DCDC1: variants seen among roughly 807,000 people sequenced by gnomAD.
DCDC1 encodes the protein doublecortin domain containing 1.
In DCDC1, 200 loss-of-function variants were observed where a neutral mutation model predicts 178.3. That is an observed-to-expected ratio of 1.12 (90% confidence interval 1.00 to 1.26). The LOEUF (loss-of-function observed/expected upper bound fraction) is 1.26. Among genes scored for constraint, DCDC1 ranks in the 50% most tolerant of loss-of-function variants. The pLI is 0.00. For missense variants in DCDC1, 1,983 were observed against 1,749.2 expected, an observed-to-expected ratio of 1.13 and a Z score of -2.38; for synonymous variants, 690 against 604.8, an observed-to-expected ratio of 1.14 and a Z score of -2.07.
At chr11:30,932,584 C>T (rs529419554) in intron 21 of DCDC1, among the ~76,000 whole-genome samples, 4 of 152,162 alleles carry the variant, frequency 2.6e-5, no homozygotes, top group African/African-American at 4.8e-5. Flanking sequence ...ACACAAGATA[C>T]TCTTCCTCGA....
intron 17 of DCDC1, among the ~76,000 whole-genome samples, chr11:31,089,588 C>T (rs1388115536): frequency 6.6e-6 from 1 of 150,770 alleles, no homozygotes; most frequent in East Asian, 1.9e-4. Context: ...ATGAAATTTT[C>T]TCACATCTCA....
Position 30,903,603 on chromosome 11 carries a change from A to T in DCDC1, c.4389T>A (p.Phe1463Leu). Residue 1463 changes from phenylalanine to leucine, a missense_variant, in exon 32 of 39, where the codon TTT (phenylalanine) becomes TTA (leucine). Transcript: ENST00000684477. Reference sequence around the variant, plus strand: ...CCCATAAAACCAAATCACGCAAGGTAAAGATTGGGGTTCCATCTTTGGTAT... The same window carrying T: ...CCCATAAAACCAAATCACGCAAGGTTAAGATTGGGGTTCCATCTTTGGTAT... ...KVYTKDGTPIFTLRDLVLWAL... is the reference protein window; with the variant it reads ...KVYTKDGTPILTLRDLVLWAL... The T allele has an allele frequency of 1.2e-6, 2 of 1,611,206 alleles. No homozygotes were observed. Among genetic ancestry groups the T allele is most frequent in the Non-Finnish European group, 1.7e-6 (2 of 1,178,692 alleles).
chr11:31,226,717 A>C (rs1176349530), intron 9 of DCDC1, among the ~76,000 whole-genome samples: 2 of 151,656 alleles, frequency 1.3e-5, no homozygotes, highest in African/African-American at 4.8e-5. Flanking sequence ...CTAAAAAAAA[A>C]AAAAAAAGAA....
At chr11:31,278,322 C>A (rs1423198994) in intron 7 of DCDC1, among the ~76,000 whole-genome samples, 1 of 152,086 alleles carries the variant, frequency 6.6e-6, no homozygotes, top group East Asian at 1.9e-4. Flanking sequence ...AAATGGAATA[C>A]TATTCCTCCT....
chr11:31,295,814 A>C (rs1947645634), intron 6 of DCDC1, among the ~76,000 whole-genome samples: 1 of 152,138 alleles, frequency 6.6e-6, no homozygotes, highest in East Asian at 1.9e-4. Flanking sequence ...GACGCGGTAA[A>C]GGAAGGGAGG....
rs771607512 is a variant in DCDC1, at chr11:31,065,011, A to G, written c.2433+8T>C. ...ATTTCTGTCTTGCCTCTGGCTCCCT[A>G]CACTGACCTCTTCTGCTAAGTTTCT... On this transcript the variant is annotated splice_region_variant and intron_variant, in intron 19 of 38. Coordinates refer to ENST00000684477, the MANE Select transcript of DCDC1 (RefSeq NM_001387274.1). 1.3e-6 allele frequency: 1 copy of G among 754,262 alleles called. No homozygotes were observed. The highest frequency in any genetic ancestry group is 2.3e-4 in the Middle Eastern group (1 of 4,356). The allele number at this position is 754,262 out of a possible 1,614,324, so 46.7% of individuals were successfully genotyped here.
chr11:30,888,028 GAGAGAGAAAGAA>G (rs1303942770), intron 36 of DCDC1, among the ~76,000 whole-genome samples: 1 of 131,824 alleles, frequency 7.6e-6, no homozygotes, highest in African/African-American at 3.3e-5. Flanking sequence ...GAAAGAGAGA[GAGAGAGAAAGAA>G]AGAAAGAAAG....
chr11:31,260,956 T>C (rs934175485), intron 8 of DCDC1, among the ~76,000 whole-genome samples: 16 of 152,306 alleles, frequency 1.1e-4, no homozygotes, highest in African/African-American at 3.8e-4. Context: ...AATATATGCT[T>C]TGTCCTAAAC....
intron 20 of DCDC1, among the ~76,000 whole-genome samples, chr11:30,971,686 C>T (rs956691010): frequency 2.0e-5 from 3 of 149,714 alleles, no homozygotes; most frequent in Admixed American, 6.7e-5. Context: ...CTTGGCTCAC[C>T]GCAAGCTCTG....
chr11:30,880,512 C>A (rs768908017), intron 37 of DCDC1, among the ~76,000 whole-genome samples: 1 of 152,104 alleles, frequency 6.6e-6, no homozygotes, highest in Non-Finnish European at 1.5e-5. Flanking sequence ...CATAGGGATG[C>A]CAGGCAATTC....
chr11:31,143,941 C>T (rs1964147263), intron 9 of DCDC1, among the ~76,000 whole-genome samples: 1 of 152,162 alleles, frequency 6.6e-6, no homozygotes, highest in Non-Finnish European at 1.5e-5. Context: ...TGATCACAGT[C>T]TGCAGCTTCT....
chr11:31,354,498 A>C (rs1034831305), intron 1 of DCDC1, among the ~76,000 whole-genome samples: 2 of 152,198 alleles, frequency 1.3e-5, no homozygotes, highest in Non-Finnish European at 2.9e-5. Context: ...TCCATTTTTA[A>C]AGCAAGGGGG....
intron 11 of DCDC1, among the ~76,000 whole-genome samples, chr11:31,122,430 C>T (rs1165461372): frequency 1.3e-5 from 2 of 152,222 alleles, no homozygotes; most frequent in East Asian, 3.9e-4. Flanking sequence ...CTGATGCTTG[C>T]ACCACACCTG....
chr11:31,189,793 C>A (rs896367834), intron 9 of DCDC1, among the ~76,000 whole-genome samples: 7 of 152,186 alleles, frequency 4.6e-5, no homozygotes. Context: ...TTACACAGGG[C>A]CCTCATGGAT....
intron 29 of DCDC1, among the ~76,000 whole-genome samples, chr11:30,908,573 T>C (rs1945235180): frequency 6.6e-6 from 1 of 152,158 alleles, no homozygotes; most frequent in Non-Finnish European, 1.5e-5. Flanking sequence ...TGGAAGTATG[T>C]GATTCATACG....
At chr11:31,062,580 T>C (rs1955992916) in intron 20 of DCDC1, among the ~76,000 whole-genome samples, 1 of 152,090 alleles carries the variant, frequency 6.6e-6, no homozygotes, top group Non-Finnish European at 1.5e-5. Flanking sequence ...CCCCATATTA[T>C]GATACAGCAA....
At chr11:31,129,206 G>A (rs1472145572) in intron 10 of DCDC1, among the ~76,000 whole-genome samples, 1 of 151,982 alleles carries the variant, frequency 6.6e-6, no homozygotes, top group Non-Finnish European at 1.5e-5. Flanking sequence ...TTTAGTTCAA[G>A]TTTATATGTA....
At chr11:31,271,179 T>C (rs368225768) in intron 7 of DCDC1, among the ~76,000 whole-genome samples, 1 of 152,186 alleles carries the variant, frequency 6.6e-6, no homozygotes, top group South Asian at 2.1e-4. Context: ...ATCTTACTGC[T>C]ATCAAAGCTA....
chr11:30,878,742 A>G (rs1942378321), intron 37 of DCDC1, 31 bp from the exon 38 acceptor site: 4 of 1,541,534 alleles, frequency 2.6e-6, no homozygotes, highest in Non-Finnish European at 3.5e-6. Flanking sequence ...AGAAGTTGAG[A>G]GACAAGTCAA....
Sources: allele counts gnomAD v4.1 joint callset (sites outside exome capture counted in the v4.1 genomes callset), GRCh38; gene constraint gnomAD v4.1.1; transcripts MANE v1.5; gene names NCBI Gene and HGNC (gene_info 2026-07-23, HGNC 2026-07-21).